HEPHL1: variants seen among roughly 807,000 people sequenced by gnomAD.
The protein encoded by HEPHL1 is ferroxidase HEPHL1.
Under a neutral mutation model 122.0 loss-of-function variants are expected in HEPHL1, and 123 were observed. The ratio of observed to expected loss-of-function variants is 1.01; its 90% CI spans 0.87 to 1.17. The LOEUF is 1.17. Ranked by LOEUF, HEPHL1 falls within the 50% of genes most tolerant of loss-of-function variation. The pLI is 0.00. For missense variants in HEPHL1, 1,452 were observed against 1,430.5 expected (o/e 1.01, Z -0.24); for synonymous variants, 527 against 508.9 (o/e 1.04, Z -0.48).
At chr11:94,024,608 T>C (rs1945608436) in intron 1 of HEPHL1, among the ~76,000 whole-genome samples, 1 of 152,170 alleles carries the variant, frequency 6.6e-6, no homozygotes, top group Admixed American at 6.5e-5. Context: ...AAGAATTATC[T>C]CCAATTCCTC....
In HEPHL1 at chr11:94,073,738, C is replaced by T. The variant is rs144233824; in HGVS notation, c.1504+299C>T. On this transcript the variant is annotated intron_variant, in intron 8 of 19. Coordinates refer to ENST00000315765, the MANE Select transcript of HEPHL1 (RefSeq NM_001098672.2). ...TATAGTAAATCTCAAAAGTAAGCTACTTTCACAGTCACTTCTTTTTCTCTA... is the reference window on the plus strand; with the variant it reads ...TATAGTAAATCTCAAAAGTAAGCTATTTTCACAGTCACTTCTTTTTCTCTA... Among the ~76,000 whole-genome samples the T allele has an allele frequency of 1.1e-4, 16 of 152,206 alleles. No individual in the cohort carries two copies. In the East Asian group the frequency reaches 2.3e-3, roughly 22 times the overall value.
chr11:94,042,889 A>AAAAAAAAAC (rs1555058804), intron 1 of HEPHL1, among the ~76,000 whole-genome samples: 31 of 104,904 alleles, frequency 3.0e-4, no homozygotes, highest in African/African-American at 8.7e-4. Context: ...AAAAAAAAAA[A>AAAAAAAAAC]AAAACTGCAT....
intron 17 of HEPHL1, among the ~76,000 whole-genome samples, chr11:94,107,706 T>C (rs188174778): frequency 3.9e-5 from 6 of 152,364 alleles, no homozygotes; most frequent in Admixed American, 1.3e-4. Flanking sequence ...CATCTTGTTA[T>C]GTGTATCAGT....
At chr11:94,040,091 C>T (rs1468674694) in intron 1 of HEPHL1, among the ~76,000 whole-genome samples, 1 of 68,552 alleles carries the variant, frequency 1.5e-5, no homozygotes, top group South Asian at 5.7e-4. Context: ...ATACTACAAA[C>T]ACCTCTACGC....
At chr11:94,071,864 G>C (rs2176565) in intron 6 of HEPHL1, among the ~76,000 whole-genome samples, 21,074 of 152,086 alleles carry the variant, frequency 0.14, 1,576 homozygotes, top group African/African-American at 0.17. Flanking sequence ...TTTAGATGGA[G>C]GGGTTGATGC....
intron 6 of HEPHL1, among the ~76,000 whole-genome samples, chr11:94,071,391 C>G (rs925731644): frequency 2.2e-4 from 34 of 152,192 alleles, no homozygotes; most frequent in Middle Eastern, 3.4e-3. Context: ...CAAACGGATG[C>G]ACTTGAACCC....
At chr11:94,106,206 A>C in intron 17 of HEPHL1, 76 bp downstream of exon 17, 2 of 1,196,034 alleles carry the variant, frequency 1.7e-6, no homozygotes, top group Non-Finnish European at 2.3e-6. Flanking sequence ...GGAAAATAAG[A>C]GTTACTTGGC....
In HEPHL1 at chr11:94,088,970, T is replaced by A; in HGVS notation, c.2294+2T>A. ...GCACGTGGACGCAAGAGGGGAAAGGTACCACAGGCGCCGCCGCTAGGGCTC... is the reference window on the plus strand; with the variant it reads ...GCACGTGGACGCAAGAGGGGAAAGGAACCACAGGCGCCGCCGCTAGGGCTC... On this transcript the variant is annotated splice_donor_variant, in intron 12 of 19. Transcript: ENST00000315765. LOFTEE classifies it high-confidence loss of function. 3 of 1,613,648 alleles carry A rather than the reference T, an allele frequency of 1.9e-6. No homozygotes were observed. Among genetic ancestry groups the A allele is most frequent in the Non-Finnish European group, 2.5e-6 (3 of 1,179,686 alleles).
chr11:94,032,925 G>C (rs1156365614), intron 1 of HEPHL1, among the ~76,000 whole-genome samples: 3 of 152,214 alleles, frequency 2.0e-5, no homozygotes, highest in African/African-American at 7.2e-5. Context: ...CCTCACGTGA[G>C]CATGCGTACA....
At chr11:94,043,234 A>G (rs16919858) in intron 1 of HEPHL1, among the ~76,000 whole-genome samples, 29,034 of 152,090 alleles carry the variant, frequency 0.19, 3,221 homozygotes, top group African/African-American at 0.31. Context: ...GAAAAAGTCA[A>G]TAGCCAAATT....
chr11:94,101,133 T>G, intron 13 of HEPHL1, 62 bp from the exon 14 acceptor site: 1 of 1,565,110 alleles, frequency 6.4e-7, no homozygotes, highest in Admixed American at 1.9e-5. Context: ...CTGCCTATAT[T>G]TAAATTACAC....
chr11:94,096,718 A>G (rs1258497170), intron 13 of HEPHL1, among the ~76,000 whole-genome samples: 1 of 152,082 alleles, frequency 6.6e-6, no homozygotes, highest in African/African-American at 2.4e-5. Context: ...TCTATTCAGT[A>G]ATTCAACTTC....
At chr11:94,023,102 G>A (rs1466366814) in intron 1 of HEPHL1, among the ~76,000 whole-genome samples, 1 of 152,128 alleles carries the variant, frequency 6.6e-6, no homozygotes, top group Non-Finnish European at 1.5e-5. Flanking sequence ...CTCATTTTAT[G>A]AACCAGGAAC....
intron 1 of HEPHL1, among the ~76,000 whole-genome samples, chr11:94,033,754 G>A (rs986383047): frequency 2.0e-5 from 3 of 152,188 alleles, no homozygotes; most frequent in African/African-American, 7.2e-5. Context: ...AAGTGCCAAA[G>A]CCATTAAACA....
At chr11:94,022,703 ACT>A (rs1172184490) in intron 1 of HEPHL1, among the ~76,000 whole-genome samples, 3 of 152,036 alleles carry the variant, frequency 2.0e-5, no homozygotes, top group East Asian at 3.9e-4. Context: ...TCCAAAGGAA[ACT>A]CTTGATTGCT....
chr11:94,083,676 C>G (rs536369206), intron 10 of HEPHL1, among the ~76,000 whole-genome samples: 1 of 152,316 alleles, frequency 6.6e-6, no homozygotes, highest in African/African-American at 2.4e-5. Context: ...TTACAAGTGC[C>G]CCATGGCAAC....
chr11:94,076,939 A>C (rs1946130401), intron 9 of HEPHL1, among the ~76,000 whole-genome samples: 1 of 152,190 alleles, frequency 6.6e-6, no homozygotes, highest in African/African-American at 2.4e-5. Flanking sequence ...TCTCTCTTTG[A>C]ATCCACCTCT....
rs774481151 is a variant in HEPHL1 at position 94,021,385 on chromosome 11, C to T, written c.17C>T (p.Pro6Leu). Reference protein sequence around the residue: MPRKQPAGCIFLLTFL... With the variant: MPRKQLAGCIFLLTFL... ...CATCCACAAATGCCTCGGAAGCAGC[C>T]AGCTGGCTGCATCTTTCTCCTCACA... Residue 6 changes from proline to leucine, a missense_variant, in exon 1 of 20, where the codon CCA becomes CTA. Physicochemically the swap from Pro to Leu is moderately conservative, Grantham distance 98. Transcript: ENST00000315765. 2 of 1,612,738 alleles carry T rather than the reference C, an allele frequency of 1.2e-6. No individual in the cohort carries two copies. The highest frequency in any genetic ancestry group is 1.7e-5 in the Admixed American group (1 of 59,838).
At chr11:94,107,768 AGTTT>A (rs1353365949) in intron 17 of HEPHL1, among the ~76,000 whole-genome samples, 2 of 152,174 alleles carry the variant, frequency 1.3e-5, no homozygotes. Context: ...GATATAATGC[AGTTT>A]GTTTATCTAT....
Sources: allele counts gnomAD v4.1 joint callset (sites outside exome capture counted in the v4.1 genomes callset), GRCh38; gene constraint gnomAD v4.1.1; transcripts MANE v1.5; gene names NCBI Gene and HGNC (gene_info 2026-07-23, HGNC 2026-07-21).